Variants in TAMM41 observed in about 807,000 individuals in gnomAD.
The protein encoded by TAMM41 is phosphatidate cytidylyltransferase, mitochondrial.
TAMM41 carries 36 observed loss-of-function variants against 44.1 expected under a neutral mutation model. The observed-to-expected ratio is 0.82, with a 90% CI of 0.63 to 1.08. The LOEUF (loss-of-function observed/expected upper bound fraction) is 1.08. Ranked by LOEUF, TAMM41 falls within the 50% of genes least tolerant of loss-of-function variation. TAMM41 has a pLI of 0.00. For synonymous variants in TAMM41, 164 were observed against 153.1 expected (o/e 1.07, Z -0.53); for missense variants, 417 against 404.3 (o/e 1.03, Z -0.27).
At chr3:11,833,797 T>C (rs303849) in intron 3 of TAMM41, among the ~76,000 whole-genome samples, 26,953 of 152,180 alleles carry the variant, frequency 0.18, 3,152 homozygotes, top group Middle Eastern at 0.34. Context: ...GGATCTTTTA[T>C]AGCACTGGGG....
chr3:11,798,272 C>A (rs946894874), intron 7 of TAMM41, among the ~76,000 whole-genome samples: 4 of 152,030 alleles, frequency 2.6e-5, no homozygotes, highest in Non-Finnish European at 5.9e-5. Context: ...TCGTAGACTG[C>A]ATAAAGAAAA....
intron 3 of TAMM41, among the ~76,000 whole-genome samples, chr3:11,835,308 G>A (rs1305096295): frequency 5.3e-5 from 8 of 151,964 alleles, no homozygotes; most frequent in Non-Finnish European, 8.8e-5. Context: ...AAAATTGGGA[G>A]CAAGGTAGAA....
chr3:11,769,101 A>T, the TAMM41 span, among the ~76,000 whole-genome samples: 1 of 152,092 alleles, frequency 6.6e-6, no homozygotes, highest in African/African-American at 2.4e-5. Flanking sequence ...ACTAAGGAGC[A>T]TCCATCTACA....
the TAMM41 span, among the ~76,000 whole-genome samples, chr3:11,740,387 A>G: frequency 6.6e-6 from 1 of 152,054 alleles, no homozygotes; most frequent in African/African-American, 2.4e-5. Flanking sequence ...TATCCTCTGT[A>G]TCATTTGCCC....
At chr3:11,723,279 C>T in the TAMM41 span, among the ~76,000 whole-genome samples, 1 of 151,940 alleles carries the variant, frequency 6.6e-6, no homozygotes. Context: ...CACAGGTTCT[C>T]TATTAAAATA....
chr3:11,813,860 G>A (rs1559286922), intron 5 of TAMM41, among the ~76,000 whole-genome samples: 1 of 147,716 alleles, frequency 6.8e-6, no homozygotes. Context: ...GTGTGTGTAT[G>A]TATGTATATA....
At chr3:11,742,886 G>A in the TAMM41 span, among the ~76,000 whole-genome samples, 1 of 152,010 alleles carries the variant, frequency 6.6e-6, no homozygotes, top group Non-Finnish European at 1.5e-5. Context: ...ATGAGCCACT[G>A]TGCTCAGCGA....
chr3:11,762,339 A>G, the TAMM41 span, among the ~76,000 whole-genome samples: 1 of 152,104 alleles, frequency 6.6e-6, no homozygotes, highest in African/African-American at 2.4e-5. Context: ...ATTACATGGA[A>G]TTATAACTGT....
chr3:11,765,436 A>G, the TAMM41 span, among the ~76,000 whole-genome samples: 5 of 152,222 alleles, frequency 3.3e-5, no homozygotes, highest in Non-Finnish European at 5.9e-5. Context: ...CTTTTAATAT[A>G]TAATGAAATT....
chr3:11,841,695 G>A (rs549225707), intron 2 of TAMM41, among the ~76,000 whole-genome samples: 4 of 152,296 alleles, frequency 2.6e-5, no homozygotes, highest in Non-Finnish European at 4.4e-5. Context: ...CATGACTCAA[G>A]TGGATGCAGA....
chr3:11,722,437 T>A, the TAMM41 span, among the ~76,000 whole-genome samples: 5 of 152,122 alleles, frequency 3.3e-5, no homozygotes, highest in Non-Finnish European at 4.4e-5. Flanking sequence ...ACATAGAATA[T>A]TATACAGTAA....
At chr3:11,784,200 A>G in the TAMM41 span, among the ~76,000 whole-genome samples, 1 of 152,192 alleles carries the variant, frequency 6.6e-6, no homozygotes, top group African/African-American at 2.4e-5. Flanking sequence ...CTGTGATATC[A>G]TAACCTTTTT....
intron 6 of TAMM41, 162 bp from the exon 7 acceptor site, chr3:11,808,057 G>T: frequency 7.4e-7 from 1 of 1,350,088 alleles, no homozygotes; most frequent in Non-Finnish European, 9.7e-7. Context: ...AAGGGCAGTG[G>T]GATTGAGGGC....
At chr3:11,776,582 T>A in the TAMM41 span, among the ~76,000 whole-genome samples, 1 of 152,162 alleles carries the variant, frequency 6.6e-6, no homozygotes, top group Non-Finnish European at 1.5e-5. Flanking sequence ...GGCCATCCCA[T>A]GTAGCCTAGG....
intron 7 of TAMM41, among the ~76,000 whole-genome samples, chr3:11,796,542 T>C (rs1186460570): frequency 2.0e-5 from 3 of 152,132 alleles, no homozygotes; most frequent in Admixed American, 2.0e-4. Flanking sequence ...TTTATCCCAT[T>C]TATGAGTAGG....
the TAMM41 span, among the ~76,000 whole-genome samples, chr3:11,729,539 A>ATTTTTTTTTTTTTTTTTTT: frequency 2.2e-4 from 7 of 32,272 alleles, 1 homozygote; most frequent in Non-Finnish European, 3.4e-4. Context: ...TCTTTCTTTC[A>ATTTTTTTTTTTTTTTTTTT]TTTTTTTTTT....
chr3:11,775,308 C>G, the TAMM41 span, among the ~76,000 whole-genome samples: 23 of 152,198 alleles, frequency 1.5e-4, no homozygotes, highest in Admixed American at 2.6e-4. Context: ...GGTCAGCCCC[C>G]ACGTTTGCCA....
chr3:11,807,409 A>G (rs775124679), intron 7 of TAMM41: 71 of 1,529,340 alleles, frequency 4.6e-5, no homozygotes, highest in Non-Finnish European at 5.9e-5. Flanking sequence ...AGCAACGAAA[A>G]CTTACCATTT....
the TAMM41 span, among the ~76,000 whole-genome samples, chr3:11,729,289 G>A: frequency 6.6e-6 from 1 of 151,780 alleles, no homozygotes; most frequent in Non-Finnish European, 1.5e-5. Context: ...CACTGGGCTG[G>A]GACGGGAAAT....
Sources: gnomAD v4.1 joint callset for allele counts (sites outside exome capture counted in the v4.1 genomes callset) on GRCh38, gnomAD v4.1.1 for gene constraint, MANE v1.5 for transcripts, NCBI Gene and HGNC (gene_info 2026-07-23, HGNC 2026-07-21) for gene names.